The following OR51B5 variants were observed in gnomAD, a reference collection of about 807,000 sequenced individuals.
OR51B5 encodes the protein olfactory receptor family 51 subfamily B member 5.
For missense variants in OR51B5, 456 were observed against 374.6 expected, an observed-to-expected ratio of 1.22 and a Z score of -1.79; for synonymous variants, 186 against 144.8, an observed-to-expected ratio of 1.28 and a Z score of -2.04.
At position 5,425,568 on chromosome 11, in the gene OR51B5, A is replaced by G. The variant is rs118018873; in HGVS notation, n.85-78658T>C. On this transcript the variant is annotated intron_variant and non_coding_transcript_variant, in intron 1 of 4. Coordinates refer to the OR51B5 transcript ENST00000415970. ...GGCTTTATGACTTTAAAACATCATG[A>G]TATGTTTAGATTTTGAAATAGATTT... Among the ~76,000 whole-genome samples the G allele has an allele frequency of 7.1e-3, 1,074 of 152,194 alleles. 8 individuals carry two copies. The highest frequency in any genetic ancestry group is 0.027 in the Middle Eastern group (8 of 294).
chr11:5,441,301 C>G (rs867065145), intron 1 of OR51B5: 1 of 1,613,912 alleles, frequency 6.2e-7, no homozygotes, highest in Non-Finnish European at 8.5e-7. Context: ...ACTCCCAGAT[C>G]ATTGAGAGCG....
intron 1 of OR51B5, among the ~76,000 whole-genome samples, chr11:5,356,347 G>T (rs1849194964): frequency 6.6e-6 from 1 of 151,928 alleles, no homozygotes; most frequent in Non-Finnish European, 1.5e-5. Context: ...CTCAGTAGCT[G>T]ATTCGATCAA....
At chr11:5,439,293 A>C (rs979963083) in intron 1 of OR51B5, among the ~76,000 whole-genome samples, 1 of 152,088 alleles carries the variant, frequency 6.6e-6, no homozygotes, top group African/African-American at 2.4e-5. Context: ...CTCTGAAGCT[A>C]TTTCTGTCTT....
intron 1 of OR51B5, among the ~76,000 whole-genome samples, chr11:5,353,011 TATACATAGGA>T (rs1182408593): frequency 6.1e-4 from 92 of 151,744 alleles, no homozygotes; most frequent in Non-Finnish European, 1.5e-5. Context: ...TTAGTCCTGT[TATACATAGGA>T]ATAAGGCATT....
intron 1 of OR51B5, among the ~76,000 whole-genome samples, chr11:5,410,442 A>T (rs374472211): frequency 9.2e-5 from 14 of 152,192 alleles, no homozygotes; most frequent in African/African-American, 3.4e-4. Flanking sequence ...GATAATCACT[A>T]AAAGAATAGT....
chr11:5,351,853 A>T, intron 1 of OR51B5: 1 of 1,613,934 alleles, frequency 6.2e-7, no homozygotes, highest in Non-Finnish European at 8.5e-7. Context: ...CTTGCTTGCC[A>T]TGGCTTATGA....
intron 1 of OR51B5, among the ~76,000 whole-genome samples, chr11:5,435,014 C>T (rs764434478): frequency 3.0e-4 from 46 of 152,212 alleles, no homozygotes; most frequent in Middle Eastern, 3.4e-3. Flanking sequence ...TAGCCTCCTA[C>T]GCAAACTGGA....
At chr11:5,374,351 C>T (rs568585845) in intron 1 of OR51B5, among the ~76,000 whole-genome samples, 98 of 152,142 alleles carry the variant, frequency 6.4e-4, no homozygotes, top group African/African-American at 2.2e-3. Context: ...TCATCAAAGA[C>T]CAAAAGTAGA....
chr11:5,499,183 T>A (rs1489760421), intron 1 of OR51B5, among the ~76,000 whole-genome samples: 3 of 151,538 alleles, frequency 2.0e-5, no homozygotes, highest in African/African-American at 7.3e-5. Flanking sequence ...CTATGAAAAA[T>A]TGGCCCCAGT....
rs767151444 is a variant in OR51B5, at chr11:5,351,976, A to G, written n.85-5066T>C. On this transcript the variant is annotated intron_variant and non_coding_transcript_variant, in intron 1 of 4. Transcript: ENST00000415970. ...AAGGGCTGGTCTGTCCATTATGCCAATAGTTGTTCGCCTACACTGGTTTCC... is the reference window on the plus strand; with the variant it reads ...AAGGGCTGGTCTGTCCATTATGCCAGTAGTTGTTCGCCTACACTGGTTTCC... The G allele has an allele frequency of 9.9e-6, 16 of 1,613,204 alleles. No individual in the cohort carries two copies. In the South Asian group the frequency reaches 1.8e-4, roughly 18 times the overall value.
chr11:5,422,447 G>A, intron 1 of OR51B5: 1 of 1,614,160 alleles, frequency 6.2e-7, no homozygotes. Flanking sequence ...CCTACCCACA[G>A]TCATGCAGCT....
chr11:5,469,748 G>A (rs572736025), intron 1 of OR51B5, among the ~76,000 whole-genome samples: 6 of 152,126 alleles, frequency 3.9e-5, no homozygotes, highest in Admixed American at 6.6e-5. Context: ...GGTGAAAAAT[G>A]ATTTCCCCTT....
At chr11:5,443,086 A>C (rs551956132) in intron 1 of OR51B5, among the ~76,000 whole-genome samples, 105 of 152,290 alleles carry the variant, frequency 6.9e-4, no homozygotes, top group African/African-American at 2.5e-3. Flanking sequence ...AAGTCACACC[A>C]TAAGAGACTT....
intron 1 of OR51B5, among the ~76,000 whole-genome samples, chr11:5,427,324 T>C (rs1054527034): frequency 4.6e-5 from 7 of 152,184 alleles, no homozygotes; most frequent in Admixed American, 4.6e-4. Flanking sequence ...GCGTTCTCCC[T>C]GCCCCTACAC....
chr11:5,463,019 T>C (rs2647595), intron 1 of OR51B5, among the ~76,000 whole-genome samples: 8,160 of 152,304 alleles, frequency 0.054, 790 homozygotes, highest in African/African-American at 0.19. Context: ...TCGACACTTA[T>C]GTCAGAAATC....
intron 1 of OR51B5, among the ~76,000 whole-genome samples, chr11:5,429,884 A>G (rs1471084529): frequency 6.6e-6 from 1 of 152,212 alleles, no homozygotes; most frequent in Non-Finnish European, 1.5e-5. Flanking sequence ...TAGAATCTGT[A>G]GCCTGGGCAT....
In OR51B5 at chr11:5,480,265, C is replaced by T. The variant is rs559129198; in HGVS notation, n.84+25304G>A. Among the ~76,000 whole-genome samples, 193 of 150,558 alleles carry T rather than the reference C, an allele frequency of 1.3e-3. 7 individuals carry two copies. The South Asian group carries it at 0.04, about 31-fold the overall frequency. ...CCTGCTCCTGAATGACTACTGGATA[C>T]ATAACGAAATGAAGGCAGAAATAAA... is the stretch of plus-strand genomic sequence containing the variant. On this transcript the variant is annotated intron_variant and non_coding_transcript_variant, in intron 1 of 4. Coordinates refer to the OR51B5 transcript ENST00000415970.
At chr11:5,466,893 A>G (rs893488436) in intron 1 of OR51B5, among the ~76,000 whole-genome samples, 2 of 152,238 alleles carry the variant, frequency 1.3e-5, no homozygotes, top group Admixed American at 6.5e-5. Flanking sequence ...GGGAAGCTGT[A>G]TTTAGCTGTT....
At chr11:5,500,224 C>T (rs77961929) in intron 1 of OR51B5, among the ~76,000 whole-genome samples, 8 of 152,200 alleles carry the variant, frequency 5.3e-5, no homozygotes, top group Admixed American at 2.6e-4. Flanking sequence ...GTAAACCCAA[C>T]TGAAAGCTAC....
Sources: gnomAD v4.1 joint callset for allele counts (sites outside exome capture counted in the v4.1 genomes callset) on GRCh38, gnomAD v4.1.1 for gene constraint, MANE v1.5 for transcripts, NCBI Gene and HGNC (gene_info 2026-07-23, HGNC 2026-07-21) for gene names.